Variants in SH2D3A observed in about 807,000 individuals in gnomAD.
SH2D3A encodes SH2 domain containing 3A.
SH2D3A carries 46 observed loss-of-function variants against 50.6 expected under a neutral mutation model. That is an observed-to-expected ratio of 0.91 (90% CI 0.72 to 1.16). The LOEUF is 1.16. Ranked by LOEUF, SH2D3A falls within the 50% of genes most tolerant of loss-of-function variation. SH2D3A has a pLI of 0.00. For missense variants in SH2D3A, 783 were observed against 786.2 expected, an observed-to-expected ratio of 1.00 and a Z score of 0.05; for synonymous variants, 377 against 348.4, an observed-to-expected ratio of 1.08 and a Z score of -0.91.
chr19:6,753,763 G>C (rs1568261386), intron 8 of SH2D3A, 122 bp from the exon 9 acceptor site: 5 of 1,117,906 alleles, frequency 4.5e-6, no homozygotes, highest in Non-Finnish European at 6.1e-6. Context: ...TCTGTGGAGA[G>C]GGGCCAGGAC....
chr19:6,756,526 C>T lies in SH2D3A; in HGVS notation c.497-1211G>A, dbSNP rs902122854. On this transcript the variant is annotated intron_variant, in intron 4 of 9. Coordinates refer to ENST00000245908, the MANE Select transcript of SH2D3A (RefSeq NM_005490.3). ...CTGTGTGCCATGGTGGTTTGCTGCA[C>T]CTACTGACCCCTCCTCTAAGTTCCC... 6.6e-5 allele frequency among the ~76,000 whole-genome samples: 10 copies of T among 152,018 alleles called. No homozygotes were observed. In the South Asian group the frequency reaches 1.9e-3, roughly 28 times the overall value.
intron 2 of SH2D3A, 115 bp from the exon 3 acceptor site, chr19:6,761,102 T>G (rs1168672981): frequency 6.1e-6 from 5 of 817,716 alleles, no homozygotes; most frequent in Non-Finnish European, 9.4e-6. Flanking sequence ...CAGTGAAACT[T>G]CTGTGGCAGG....
chr19:6,756,444 CTTTTT>C (rs1227661634), intron 4 of SH2D3A, among the ~76,000 whole-genome samples: 1 of 150,300 alleles, frequency 6.7e-6, no homozygotes, highest in Non-Finnish European at 1.5e-5. Context: ...TCTTTTTTTT[CTTTTT>C]TATTTCTTCT....
rs779580562 is a variant in SH2D3A, at chr19:6,752,740, G to T, written c.1584C>A (p.Asn528Lys). Residue 528 changes from asparagine (N) to lysine (K), a missense_variant, in exon 10 of 10, where the codon AAC becomes AAA. Physicochemically the swap from Asn to Lys is moderately conservative, Grantham distance 94. Transcript: ENST00000245908. ...AAQRLRGFRPNPELREALTTG... is the reference protein window; with the variant it reads ...AAQRLRGFRPKPELREALTTG... ...TGGTCAGGGCCTCCCTCAGCTCCGGGTTAGGCCGGAATCCTGGAAGCAAGG... is the reference window on the plus strand; with the variant it reads ...TGGTCAGGGCCTCCCTCAGCTCCGGTTTAGGCCGGAATCCTGGAAGCAAGG... 3 of 1,543,822 alleles carry T rather than the reference G, an allele frequency of 1.9e-6. No homozygotes were observed. In the South Asian group the frequency reaches 3.6e-5, roughly 18 times the overall value.
Position 6,752,548 on chromosome 19 carries a change from G to T in SH2D3A, c.*45C>A. On this transcript the variant is annotated 3_prime_UTR_variant, in exon 10 of 10. Coordinates refer to ENST00000245908, the MANE Select transcript of SH2D3A (RefSeq NM_005490.3). Reference sequence around the variant, plus strand: ...ACTCCTTTGGTCTCTTCTGGGGTTCGCAAAAACCTGGGGGTCCCGGGTGTG... The same window carrying T: ...ACTCCTTTGGTCTCTTCTGGGGTTCTCAAAAACCTGGGGGTCCCGGGTGTG... 2 of 1,467,228 alleles carry T rather than the reference G, an allele frequency of 1.4e-6. No homozygotes were observed. Among genetic ancestry groups the T allele is most frequent in the Non-Finnish European group, 9.1e-7 (1 of 1,103,070 alleles). 90.9% of individuals were successfully genotyped at this position (1,467,228 alleles called of 1,614,324 possible). A position where few individuals can be genotyped will look rare whatever the true frequency, so the allele number is the denominator to read the frequency against.
rs976659800 is a variant in SH2D3A at position 6,760,911 on chromosome 19, A to G, written c.146T>C (p.Ile49Thr). The part of the protein sequence containing the change: ...ASGSRGGNPV[I>T]SCRWRGSALH... ...GGCTGAGCCCCGCCAGCGGCAGGAG[A>G]TCACGGGGTTGCCCCCACGGGACCC... Residue 49 changes from isoleucine to threonine, a missense_variant, in exon 3 of 10, where the codon ATC becomes ACC. By Grantham distance (89) the Ile-to-Thr change is moderately conservative. Coordinates refer to ENST00000245908, the MANE Select transcript of SH2D3A (RefSeq NM_005490.3). 3.7e-6 allele frequency: 6 copies of G among 1,614,054 alleles called. No individual in the cohort carries two copies. Among genetic ancestry groups the G allele is most frequent in the Non-Finnish European group, 5.1e-6 (6 of 1,180,030 alleles).
In SH2D3A at chr19:6,760,787, A is replaced by G. The variant is rs375581861; in HGVS notation, c.270T>C (p.Ala90=). The change falls in exon 3 of 10, where the codon GCT becomes GCC. Residue 90 remains alanine (A), a synonymous_variant. Transcript: ENST00000245908. ...LEDEQFPSIP[A]LVHSYMTGRR... ...TGCCTGTCATATAACTGTGAACCAG[A>G]GCCGGTATGCTGGGGAATTGCTCAT... The G allele has an allele frequency of 6.2e-7, 1 of 1,614,230 alleles. No homozygotes were observed. Among genetic ancestry groups the G allele is most frequent in the Non-Finnish European group, 8.5e-7 (1 of 1,180,040 alleles).
intron 1 of SH2D3A, chr19:6,764,412 C>G (rs569225565): frequency 1.3e-5 from 2 of 151,346 alleles, no homozygotes; most frequent in Non-Finnish European, 2.9e-5. Context: ...ATAATGCAAT[C>G]GAAGAAAAAA....
At position 6,752,396 on chromosome 19, in the gene SH2D3A, T is replaced by C. The variant is rs762660572; in HGVS notation, c.*197A>G. ...TTAAGAGGTGGAGTCACATTTGAAC[T>C]CTGGCCTCTGATGCCAGATCTGCAG... On this transcript the variant is annotated 3_prime_UTR_variant, in exon 10 of 10. Coordinates refer to ENST00000245908, the MANE Select transcript of SH2D3A (RefSeq NM_005490.3). 25 of 434,904 alleles carry C rather than the reference T, an allele frequency of 5.7e-5. No homozygotes were observed. Among genetic ancestry groups the C allele is most frequent in the Non-Finnish European group, 9.9e-5 (25 of 252,278 alleles). 26.9% of individuals were successfully genotyped at this position (434,904 alleles called of 1,614,324 possible). A position where few individuals can be genotyped will look rare whatever the true frequency, so the allele number is the denominator to read the frequency against.
chr19:6,753,388 T>A (rs1969438797), intron 9 of SH2D3A, 68 bp downstream of exon 9: 1 of 1,412,250 alleles, frequency 7.1e-7, no homozygotes, highest in African/African-American at 1.5e-5. Flanking sequence ...CAGGCTGGGT[T>A]TGGGGGATCC....
At position 6,760,854 on chromosome 19, in the gene SH2D3A, C is replaced by T. The variant is rs185333277; in HGVS notation, c.203G>A (p.Arg68His). Reference sequence around the variant, plus strand: ...GGCTGTGGGTCGGCCTGGCCGGGGACGCAGGGCCACACGGAACACCTCAAA... The same window carrying T: ...GGCTGTGGGTCGGCCTGGCCGGGGATGCAGGGCCACACGGAACACCTCAAA... ...LHFEVFRVAL[R>H]PRPGRPTALF... The change falls in exon 3 of 10, where the codon CGT becomes CAT. Residue 68 changes from arginine to histidine, a missense_variant. Transcript: ENST00000245908. 28 of 1,614,236 alleles carry T rather than the reference C, an allele frequency of 1.7e-5. No individual in the cohort carries two copies. Among genetic ancestry groups the T allele is most frequent in the African/African-American group, 1.2e-4 (9 of 75,076 alleles).
chr19:6,755,267 G>A lies in SH2D3A; in HGVS notation c.545C>T (p.Pro182Leu), dbSNP rs1424222952. The A allele has an allele frequency of 7.9e-6, 12 of 1,524,392 alleles. No individual in the cohort carries two copies. The highest frequency in any genetic ancestry group is 2.8e-5 in the African/African-American group (2 of 71,918). The allele number at this position is 1,524,392 out of a possible 1,614,324, so 94.4% of individuals were successfully genotyped here. ...GGGAGCAGGGGCCTTCAGCAACACC[G>A]GGTCACTGCTCGTTCGGGGCAAGGC... ...ISALPRTSSDPVLLKAPAPLG... is the reference protein window; with the variant it reads ...ISALPRTSSDLVLLKAPAPLG... Residue 182 changes from proline to leucine, a missense_variant, in exon 5 of 10, where the codon CCG (proline) becomes CTG (leucine). Coordinates refer to ENST00000245908, the MANE Select transcript of SH2D3A (RefSeq NM_005490.3).
At position 6,753,650 on chromosome 19, in the gene SH2D3A, G is replaced by C; in HGVS notation, c.1385-9C>G. ...GCCGGGGTCGCAGGGTCCTGCGGAG[G>C]GGGAGGGTCTGATCAGGGTTTGGGG... On this transcript the variant is annotated splice_polypyrimidine_tract_variant and intron_variant, in intron 8 of 9. Coordinates refer to ENST00000245908, the MANE Select transcript of SH2D3A (RefSeq NM_005490.3). 1.3e-6 allele frequency: 2 copies of C among 1,556,642 alleles called. No homozygotes were observed. The highest frequency in any genetic ancestry group is 1.2e-5 in the South Asian group (1 of 82,724).
At chr19:6,755,431 G>A (rs1568264396) in intron 4 of SH2D3A, 116 bp from the exon 5 acceptor site, 3 of 659,932 alleles carry the variant, frequency 4.5e-6, no homozygotes, top group South Asian at 8.4e-5. Context: ...TCCAATAATG[G>A]GGTATAACAA....
Position 6,752,588 on chromosome 19 carries a change from C to A in SH2D3A, c.*5G>T. ...TCCCGGGTGTGAAGAAGGGTGTCTG[C>A]GCTCTCAGCGGTCAGGCTCCAGGCG... On this transcript the variant is annotated 3_prime_UTR_variant, in exon 10 of 10. Transcript: ENST00000245908. 6.5e-7 allele frequency: 1 copy of A among 1,538,854 alleles called. No homozygotes were observed. The highest frequency in any genetic ancestry group is 8.8e-7 in the Non-Finnish European group (1 of 1,138,926).
chr19:6,763,656 C>G lies in SH2D3A; in HGVS notation c.69+24G>C, dbSNP rs201225687. 3.7e-6 allele frequency: 6 copies of G among 1,609,460 alleles called. No homozygotes were observed. The East Asian group carries it at 1.3e-4, about 36-fold the overall frequency. ...GGGAGAGGCTCCCCACCAGATGGTG[C>G]TGAGGTCCTGCTGTGGGTGGTACCT... On this transcript the variant is annotated intron_variant, in intron 2 of 9. Coordinates refer to ENST00000245908, the MANE Select transcript of SH2D3A (RefSeq NM_005490.3).
intron 1 of SH2D3A, among the ~76,000 whole-genome samples, chr19:6,765,747 CAA>C (rs397945080): frequency 4.9e-4 from 31 of 63,220 alleles, no homozygotes; most frequent in South Asian, 4.8e-3. Flanking sequence ...GACTCCGTCT[CAA>C]AAAAAAAAAA....
chr19:6,757,717 G>T (rs140393268), intron 4 of SH2D3A: 1 of 152,140 alleles, frequency 6.6e-6, no homozygotes, highest in African/African-American at 2.4e-5. Context: ...GGTTGAGGTG[G>T]GTGGATCACC....
chr19:6,753,927 G>A, intron 8 of SH2D3A, 125 bp downstream of exon 8: 2 of 1,212,258 alleles, frequency 1.6e-6, no homozygotes, highest in African/African-American at 1.5e-5. Flanking sequence ...TCATGTGGAG[G>A]GCGGGGCCTA....
Sources: gnomAD v4.1 joint callset for allele counts (sites outside exome capture counted in the v4.1 genomes callset) on GRCh38, gnomAD v4.1.1 for gene constraint, MANE v1.5 for transcripts, NCBI Gene and HGNC (gene_info 2026-07-23, HGNC 2026-07-21) for gene names.